The following DLG2 variants were observed in gnomAD, a reference collection of about 807,000 sequenced individuals.
DLG2 encodes discs large MAGUK scaffold protein 2.
DLG2 carries 45 observed loss-of-function variants against 132.5 expected under a neutral mutation model. The ratio of observed to expected loss-of-function variants is 0.34; its 90% CI spans 0.27 to 0.44. The LOEUF (loss-of-function observed/expected upper bound fraction) is 0.44, where lower values mean the gene tolerates loss of function less well. Ranked by LOEUF, DLG2 falls within the 20% of genes least tolerant of loss-of-function variation. The pLI is 1.00. For synonymous variants in DLG2, 424 were observed against 419.6 expected (o/e 1.01, Z -0.13); for missense variants, 1,045 against 1,196.9 (o/e 0.87, Z 1.87).
intron 6 of DLG2, chr11:85,020,873 C>T (rs2154139842): frequency 1.3e-6 from 1 of 763,662 alleles, no homozygotes. Context: ...CCAGTAGGTC[C>T]CCCTCCTCAG....
chr11:83,795,232 C>T (rs1594522977), intron 17 of DLG2, among the ~76,000 whole-genome samples: 1 of 151,798 alleles, frequency 6.6e-6, no homozygotes, highest in African/African-American at 2.4e-5. Context: ...GGCGAAACCC[C>T]GTCTCTACTA....
intron 18 of DLG2, among the ~76,000 whole-genome samples, chr11:83,740,433 T>C (rs2092411913): frequency 6.6e-6 from 1 of 152,196 alleles, no homozygotes; most frequent in Non-Finnish European, 1.5e-5. Flanking sequence ...ATTATATTTA[T>C]TTAAAGTGCC....
intron 5 of DLG2, among the ~76,000 whole-genome samples, chr11:85,148,531 G>T (rs2077010085): frequency 6.6e-6 from 1 of 152,130 alleles, no homozygotes; most frequent in African/African-American, 2.4e-5. Flanking sequence ...TCATATGTTT[G>T]TTGGCTGCAT....
At chr11:83,813,505 T>C (rs2047954456) in intron 17 of DLG2, among the ~76,000 whole-genome samples, 1 of 152,024 alleles carries the variant, frequency 6.6e-6, no homozygotes, top group South Asian at 2.1e-4. Context: ...CACAAGGCCT[T>C]TTCACTCCAC....
chr11:83,840,005 C>T (rs1410783263), intron 16 of DLG2, among the ~76,000 whole-genome samples: 2 of 152,192 alleles, frequency 1.3e-5, no homozygotes, highest in African/African-American at 2.4e-5. Flanking sequence ...GATCACCTTA[C>T]TACCCTGCTT....
intron 7 of DLG2, among the ~76,000 whole-genome samples, chr11:84,362,267 C>A (rs1012933746): frequency 6.6e-6 from 1 of 151,926 alleles, no homozygotes; most frequent in Non-Finnish European, 1.5e-5. Flanking sequence ...AAAAGTTACT[C>A]CTTGAAAGAG....
intron 3 of DLG2, among the ~76,000 whole-genome samples, chr11:85,549,060 T>C (rs1413756958): frequency 6.6e-6 from 1 of 152,050 alleles, no homozygotes; most frequent in Non-Finnish European, 1.5e-5. Flanking sequence ...CTGCGGCTAG[T>C]TCAGAGTCCG....
chr11:85,288,900 G>A (rs965523704), intron 3 of DLG2, among the ~76,000 whole-genome samples: 18 of 151,852 alleles, frequency 1.2e-4, no homozygotes, highest in Non-Finnish European at 2.1e-4. Context: ...GAAAAGAAAG[G>A]GTATTTATCA....
intron 8 of DLG2, among the ~76,000 whole-genome samples, chr11:84,171,955 A>G (rs550212900): frequency 6.6e-6 from 1 of 152,262 alleles, no homozygotes; most frequent in African/African-American, 2.4e-5. Context: ...GTGACCAAAA[A>G]CAGGCCCTTT....
intron 7 of DLG2, among the ~76,000 whole-genome samples, chr11:84,512,179 G>C (rs1288343605): frequency 6.6e-6 from 1 of 152,072 alleles, no homozygotes; most frequent in African/African-American, 2.4e-5. Context: ...TCTCAGTAAA[G>C]CCATGAAAAT....
intron 17 of DLG2, among the ~76,000 whole-genome samples, chr11:83,822,238 C>T: frequency 6.6e-6 from 1 of 152,108 alleles, no homozygotes; most frequent in East Asian, 1.9e-4. Flanking sequence ...GTCTCTCATC[C>T]TTTGTCTTCA....
At chr11:85,266,610 TA>T (rs59064522) in intron 4 of DLG2, among the ~76,000 whole-genome samples, 11,116 of 150,522 alleles carry the variant, frequency 0.074, 675 homozygotes, top group African/African-American at 0.17. Flanking sequence ...AAGTATAATT[TA>T]AAAAAAAAGA....
At chr11:83,902,395 A>G (rs945034878) in intron 15 of DLG2, among the ~76,000 whole-genome samples, 3 of 152,228 alleles carry the variant, frequency 2.0e-5, no homozygotes, top group African/African-American at 4.8e-5. Context: ...AAACTGCTAC[A>G]TTAACAAAAG....
intron 21 of DLG2, among the ~76,000 whole-genome samples, chr11:83,530,487 T>C (rs1192715371): frequency 6.6e-6 from 1 of 151,608 alleles, no homozygotes; most frequent in African/African-American, 2.4e-5. Flanking sequence ...CAAGCTACAA[T>C]TGCTAGGATA....
chr11:85,338,461 T>C (rs2082272900), intron 3 of DLG2, among the ~76,000 whole-genome samples: 1 of 152,142 alleles, frequency 6.6e-6, no homozygotes, highest in Non-Finnish European at 1.5e-5. Flanking sequence ...CATCCATCTA[T>C]AATACAATTA....
At chr11:84,118,827 T>C (rs1263843648) in intron 9 of DLG2, among the ~76,000 whole-genome samples, 1 of 152,180 alleles carries the variant, frequency 6.6e-6, no homozygotes, top group South Asian at 2.1e-4. Context: ...CTTCCTACAC[T>C]GAAGTCCAAG....
chr11:85,007,683 A>G lies in DLG2; in HGVS notation c.357+103978T>C, dbSNP rs150353445. Among the ~76,000 whole-genome samples, 709 of 128,210 alleles carry G rather than the reference A, an allele frequency of 5.5e-3. 2 individuals are homozygous for G. The highest frequency in any genetic ancestry group is 8.7e-3 in the Non-Finnish European group (524 of 60,216). The allele number at this position is 128,210 out of a possible 152,430, so 84.1% of individuals were successfully genotyped here. ...CCGTCTCAAAAAAAAAAAAAAAAAAAAAAAAAAGAAAAGAAAAGAAAAAGA... is the reference window on the plus strand; with the variant it reads ...CCGTCTCAAAAAAAAAAAAAAAAAAGAAAAAAAGAAAAGAAAAGAAAAAGA... On this transcript the variant is annotated intron_variant, in intron 6 of 27. Transcript: ENST00000376104.
intron 21 of DLG2, among the ~76,000 whole-genome samples, chr11:83,506,538 C>T (rs1565528822): frequency 6.6e-6 from 1 of 152,104 alleles, no homozygotes; most frequent in Non-Finnish European, 1.5e-5. Flanking sequence ...GGAGGTGGCT[C>T]CTGAGGAGAA....
intron 17 of DLG2, among the ~76,000 whole-genome samples, chr11:83,829,019 A>C (rs1259474607): frequency 1.8e-4 from 28 of 152,106 alleles, no homozygotes; most frequent in Admixed American, 1.8e-3. Flanking sequence ...TAGAAAGGTT[A>C]TTGTCTATTA....
Sources: gnomAD v4.1 joint callset for allele counts (sites outside exome capture counted in the v4.1 genomes callset) on GRCh38, gnomAD v4.1.1 for gene constraint, MANE v1.5 for transcripts, NCBI Gene and HGNC (gene_info 2026-07-23, HGNC 2026-07-21) for gene names.